The following CMTM7 variants were observed in gnomAD, a reference collection of about 807,000 sequenced individuals.
The protein encoded by CMTM7 is CKLF-like MARVEL transmembrane domain-containing protein 7.
In CMTM7, 7 loss-of-function variants were observed where a neutral mutation model predicts 19.3. The ratio of observed to expected loss-of-function variants is 0.36; its 90% CI spans 0.21 to 0.68. CMTM7 has a LOEUF of 0.68. Ranked by LOEUF, CMTM7 falls within the 30% of genes least tolerant of loss-of-function variation. The probability of loss-of-function intolerance (pLI) is 0.60; values close to 1 mark genes in which losing one functional copy is unlikely to be tolerated. For synonymous variants in CMTM7, 87 were observed against 99.3 expected (o/e 0.88, Z 0.74); for missense variants, 193 against 232.6 (o/e 0.83, Z 1.11).
At chr3:32,452,217 C>T (rs537830445) in intron 3 of CMTM7, 175 bp from the exon 4 acceptor site, 36 of 1,510,426 alleles carry the variant, frequency 2.4e-5, no homozygotes, top group Admixed American at 8.3e-5. Context: ...CTGGGCCTCG[C>T]GGGGCTTCCT....
rs1034440388 is a variant in CMTM7 at position 32,449,013 on chromosome 3, A to G, written c.334-441A>G. Among the ~76,000 whole-genome samples, 2 of 152,246 alleles carry G rather than the reference A, an allele frequency of 1.3e-5. No individual in the cohort carries two copies. The highest frequency in any genetic ancestry group is 1.3e-4 in the Admixed American group (2 of 15,288). ...GTTAGCCCAGAACTTTCTCCGAAGCAGAAGAGAAAGGCAAATATCTCTTTA... is the reference window on the plus strand; with the variant it reads ...GTTAGCCCAGAACTTTCTCCGAAGCGGAAGAGAAAGGCAAATATCTCTTTA... On this transcript the variant is annotated intron_variant, in intron 2 of 4. Coordinates refer to ENST00000334983, the MANE Select transcript of CMTM7 (RefSeq NM_138410.4). This position sits in a 1 kb window ranked among gnomAD's most constrained non-coding sequence, Gnocchi z 4.5.
At chr3:32,442,087 A>T in intron 2 of CMTM7, 74 bp downstream of exon 2, 1 of 1,397,788 alleles carries the variant, frequency 7.2e-7, no homozygotes, top group Non-Finnish European at 1.0e-6. Context: ...GACCTGACAG[A>T]GTTTTTCCCG....
At chr3:32,447,107 T>C (rs1455278891) in intron 2 of CMTM7, among the ~76,000 whole-genome samples, 1 of 152,222 alleles carries the variant, frequency 6.6e-6, no homozygotes, top group East Asian at 1.9e-4. Flanking sequence ...AATTTTGGTA[T>C]ATTGTGTCTT....
At chr3:32,414,273 C>T (rs1696225145) in intron 1 of CMTM7, among the ~76,000 whole-genome samples, 1 of 152,206 alleles carries the variant, frequency 6.6e-6, no homozygotes, top group Non-Finnish European at 1.5e-5. Flanking sequence ...AGTTTTCATT[C>T]TCCACGTTCC....
Position 32,398,726 on chromosome 3 carries a change from GT to G in CMTM7, c.159+6662del, listed in dbSNP as rs202158496. On this transcript the variant is annotated intron_variant, in intron 1 of 4. Coordinates refer to ENST00000334983, the MANE Select transcript of CMTM7 (RefSeq NM_138410.4). Reference sequence around the variant, plus strand: ...TTGGCCGGCGCAGTGGCTCATGCCTGTAATCTCAGCAGTTTGGGAGGCCGAG... The same window carrying G: ...TTGGCCGGCGCAGTGGCTCATGCCTGAATCTCAGCAGTTTGGGAGGCCGAG... Among the ~76,000 whole-genome samples the G allele has an allele frequency of 8.5e-3, 1,295 of 152,046 alleles. 17 individuals carry two copies. The highest frequency in any genetic ancestry group is 0.03 in the African/African-American group (1,227 of 41,446).
chr3:32,443,880 C>T (rs377680119), intron 2 of CMTM7, among the ~76,000 whole-genome samples: 1 of 152,122 alleles, frequency 6.6e-6, no homozygotes, highest in South Asian at 2.1e-4. Context: ...AATGTCTATT[C>T]GAGTCCTTTG....
At chr3:32,405,670 G>A (rs1197300947) in intron 1 of CMTM7, among the ~76,000 whole-genome samples, 1 of 152,192 alleles carries the variant, frequency 6.6e-6, no homozygotes, top group African/African-American at 2.4e-5. Context: ...CATGAAGATT[G>A]CTTGAGCCCA....
At chr3:32,407,437 T>A (rs1696105699) in intron 1 of CMTM7, among the ~76,000 whole-genome samples, 1 of 152,202 alleles carries the variant, frequency 6.6e-6, no homozygotes, top group South Asian at 2.1e-4. Context: ...CAGCCTTTTA[T>A]GGGAGAGTTA....
At chr3:32,445,368 A>C (rs1464144354) in intron 2 of CMTM7, among the ~76,000 whole-genome samples, 1 of 152,214 alleles carries the variant, frequency 6.6e-6, no homozygotes, top group African/African-American at 2.4e-5. Context: ...GCCCTTTATC[A>C]AGTTGAAGTT....
intron 1 of CMTM7, among the ~76,000 whole-genome samples, chr3:32,425,292 A>G (rs1323587532): frequency 6.6e-6 from 1 of 152,204 alleles, no homozygotes. Context: ...TGTCTCAGCA[A>G]GGGCTGTAGA....
chr3:32,412,355 C>T (rs529926960), intron 1 of CMTM7, among the ~76,000 whole-genome samples: 27 of 152,080 alleles, frequency 1.8e-4, no homozygotes, highest in African/African-American at 6.3e-4. Context: ...GGTATGGTGG[C>T]GCACGCCTCT....
intron 1 of CMTM7, among the ~76,000 whole-genome samples, chr3:32,392,839 A>G (rs1422248914): frequency 6.6e-6 from 1 of 152,238 alleles, no homozygotes; most frequent in Non-Finnish European, 1.5e-5. Flanking sequence ...GCCTCCTACC[A>G]GGGCAGACGT....
intron 1 of CMTM7, among the ~76,000 whole-genome samples, chr3:32,403,410 G>A (rs902572565): frequency 1.3e-5 from 2 of 152,078 alleles, no homozygotes; most frequent in Admixed American, 1.3e-4. Context: ...ACACGGTTTT[G>A]CCGTGTTGCT....
chr3:32,447,938 A>T (rs979336465), intron 2 of CMTM7, among the ~76,000 whole-genome samples: 1 of 152,128 alleles, frequency 6.6e-6, no homozygotes, highest in African/African-American at 2.4e-5. Flanking sequence ...TGTTATTTTG[A>T]GAGAAATTTC....
chr3:32,428,288 C>G (rs1453479282), intron 1 of CMTM7, among the ~76,000 whole-genome samples: 1 of 152,214 alleles, frequency 6.6e-6, no homozygotes, highest in Non-Finnish European at 1.5e-5. Context: ...AGAGTGCAGC[C>G]TCAGTCCTCC....
At chr3:32,452,610 C>A (rs1213418874) in intron 4 of CMTM7, 137 bp downstream of exon 4, 1 of 798,276 alleles carries the variant, frequency 1.3e-6, no homozygotes, top group African/African-American at 1.7e-5. Context: ...TATTAGAGCA[C>A]AGGGGCCAGC....
At position 32,449,674 on chromosome 3, in the gene CMTM7, C is replaced by G; in HGVS notation, c.432+122C>G. 1.3e-6 allele frequency: 1 copy of G among 760,130 alleles called. No individual in the cohort carries two copies. The highest frequency in any genetic ancestry group is 2.3e-6 in the Non-Finnish European group (1 of 428,652). 47.1% of individuals were successfully genotyped at this position (760,130 alleles called of 1,614,324 possible). A position where few individuals can be genotyped will look rare whatever the true frequency, so the allele number is the denominator to read the frequency against. Reference sequence around the variant, plus strand: ...TTCCCTTCATAGAATCAATACCTACCTTGATCCAGCCATCAGCTCTCTCCA... The same window carrying G: ...TTCCCTTCATAGAATCAATACCTACGTTGATCCAGCCATCAGCTCTCTCCA... On this transcript the variant is annotated intron_variant, in intron 3 of 4. Coordinates refer to ENST00000334983, the MANE Select transcript of CMTM7 (RefSeq NM_138410.4). This position sits in a 1 kb window ranked among gnomAD's most constrained non-coding sequence, Gnocchi z 4.5.
rs1559401304 is a variant in CMTM7 at position 32,404,142 on chromosome 3, C to CTTTTTTTTCTTTTTTTTTTTTTTTTTT, written c.159+12085_159+12086insCTTTTTTTTTTTTTTTTTTTTTTTTTT. On this transcript the variant is annotated intron_variant, in intron 1 of 4. Coordinates refer to ENST00000334983, the MANE Select transcript of CMTM7 (RefSeq NM_138410.4). ...CCTTTGTTTAATCTTTTCTTTCTTT[C>CTTTTTTTTCTTTTTTTTTTTTTTTTTT]TTTTTTTTTCTTTTTTTTTCTTTTT... Among the ~76,000 whole-genome samples, 12 of 109,232 alleles carry CTTTTTTTTCTTTTTTTTTTTTTTTTTT rather than the reference C, an allele frequency of 1.1e-4. 1 individual carries two copies. Among genetic ancestry groups the CTTTTTTTTCTTTTTTTTTTTTTTTTTT allele is most frequent in the Non-Finnish European group, 1.7e-4 (9 of 54,066 alleles). The allele number at this position is 109,232 out of a possible 152,430, so 71.7% of individuals were successfully genotyped here.
At chr3:32,407,517 A>G (rs1278284132) in intron 1 of CMTM7, among the ~76,000 whole-genome samples, 2 of 152,230 alleles carry the variant, frequency 1.3e-5, no homozygotes, top group African/African-American at 4.8e-5. Flanking sequence ...CCGTAAGGCC[A>G]CAACCACAGA....
Sources: allele counts gnomAD v4.1 joint callset (sites outside exome capture counted in the v4.1 genomes callset), GRCh38; gene constraint gnomAD v4.1.1; non-coding constraint Gnocchi (gnomAD v3.1); transcripts MANE v1.5; gene names NCBI Gene and HGNC (gene_info 2026-07-23, HGNC 2026-07-21).